Variants in SETD1A observed in about 807,000 individuals in gnomAD.
SETD1A encodes the protein histone-lysine N-methyltransferase SETD1A.
Under a neutral mutation model 149.9 loss-of-function variants are expected in SETD1A, and 29 were observed. The ratio of observed to expected loss-of-function variants is 0.19; its 90% confidence interval spans 0.14 to 0.26. The LOEUF (loss-of-function observed/expected upper bound fraction) is 0.26. SETD1A is among the 10% of genes least tolerant of loss of function. The probability of loss-of-function intolerance (pLI) is 1.00; values close to 1 mark genes in which losing one functional copy is unlikely to be tolerated. For synonymous variants in SETD1A, 1,141 were observed against 968.5 expected (o/e 1.18, Z -3.31); for missense variants, 2,109 against 2,353.1 (o/e 0.90, Z 2.15).
intron 8 of SETD1A, 50 bp from the exon 9 acceptor site, chr16:30,966,834 G>A (rs2056154149): frequency 1.3e-6 from 2 of 1,493,060 alleles, no homozygotes; most frequent in East Asian, 2.5e-5. Flanking sequence ...CAGGCAGGAG[G>A]GAATGCCTGG....
chr16:30,964,107 G>A lies in SETD1A; in HGVS notation c.653G>A (p.Arg218His), dbSNP rs368671933. The A allele has an allele frequency of 1.7e-5, 27 of 1,612,862 alleles. No homozygotes were observed. Among genetic ancestry groups the A allele is most frequent in the Non-Finnish European group, 1.9e-5 (23 of 1,179,894 alleles). ...GAATETAESR[R>H]RSSSDTAAYP... is the part of the protein sequence containing the mutation. ...CTGTCGCTCTAGGCCGAATCCCGCCGCCGCTCTTCCTCTGACACAGCTGCC... is the reference window on the plus strand; with the variant it reads ...CTGTCGCTCTAGGCCGAATCCCGCCACCGCTCTTCCTCTGACACAGCTGCC... Residue 218 changes from arginine (R) to histidine (H), a missense_variant, in exon 6 of 19, where the codon CGC (arginine) becomes CAC (histidine). Physicochemically the swap from Arg to His is conservative, Grantham distance 29. Coordinates refer to ENST00000262519, the MANE Select transcript of SETD1A (RefSeq NM_014712.3).
At chr16:30,968,400 C>T (rs2056177174) in intron 10 of SETD1A, among the ~76,000 whole-genome samples, 1 of 105,122 alleles carries the variant, frequency 9.5e-6, no homozygotes, top group Non-Finnish European at 1.8e-5. Context: ...GAGACTGTGT[C>T]TCAAAAAAAA....
At position 30,967,072 on chromosome 16, in the gene SETD1A, TGTC is replaced by T. The variant is rs1489429805; in HGVS notation, c.2682+15_2682+17del. 6.4e-7 allele frequency: 1 copy of T among 1,556,926 alleles called. No individual in the cohort carries two copies. The highest frequency in any genetic ancestry group is 2.0e-5 in the Admixed American group (1 of 49,904). On this transcript the variant is annotated intron_variant, in intron 9 of 18. Transcript: ENST00000262519. ...TGCCTTCATTCAAGGTACTCAGAAC[TGTC>T]GTTTTGTGGGGTAGGGTGGGGAGAG...
intron 10 of SETD1A, among the ~76,000 whole-genome samples, chr16:30,968,417 T>A (rs201129077): frequency 0.016 from 409 of 25,164 alleles, no homozygotes; most frequent in Non-Finnish European, 0.017. Flanking sequence ...AAAAAAAAAA[T>A]ACATATATAT....
intron 8 of SETD1A, 36 bp from the exon 9 acceptor site, chr16:30,966,848 C>A: frequency 2.0e-6 from 3 of 1,515,786 alleles, no homozygotes; most frequent in Non-Finnish European, 2.7e-6. Flanking sequence ...TGCCTGGGTT[C>A]TGGGCGCTGG....
chr16:30,963,626 T>G, intron 5 of SETD1A, 72 bp downstream of exon 5: 1 of 1,488,774 alleles, frequency 6.7e-7, no homozygotes, highest in Non-Finnish European at 9.0e-7. Flanking sequence ...GCAGGAGCAG[T>G]CTTCGGGAGG....
At chr16:30,966,628 A>G (rs964836921) in intron 8 of SETD1A, among the ~76,000 whole-genome samples, 3 of 152,338 alleles carry the variant, frequency 2.0e-5, no homozygotes, top group Non-Finnish European at 4.4e-5. Context: ...TGCAGTGGAC[A>G]AGGCCCTTAG....
chr16:30,969,165 C>T, intron 10 of SETD1A, 140 bp from the exon 11 acceptor site: 1 of 856,816 alleles, frequency 1.2e-6, no homozygotes, highest in Admixed American at 2.8e-5. Flanking sequence ...GTTTGAGTTC[C>T]TCTGGTGAGC....
intron 13 of SETD1A, among the ~76,000 whole-genome samples, chr16:30,973,571 C>T (rs1436960192): frequency 1.3e-5 from 2 of 152,146 alleles, no homozygotes; most frequent in Non-Finnish European, 2.9e-5. Context: ...ACGAGAATCG[C>T]TTGAACCCGG....
At position 30,971,484 on chromosome 16, in the gene SETD1A, C is replaced by T; in HGVS notation, c.3123C>T (p.Ser1041=). 6.2e-7 allele frequency: 1 copy of T among 1,614,022 alleles called. No individual in the cohort carries two copies. Among genetic ancestry groups the T allele is most frequent in the Non-Finnish European group, 8.5e-7 (1 of 1,179,990 alleles). The stretch of plus-strand genomic sequence containing the variant: ...CCGAGAGCAGCAGCTCTTCCAGCTC[C>T]TCATCCTCCTCCTCCTCCTCGTCCT... ...SDSESSSSSS[S]SSSSSSSSSS... Residue 1041 remains serine (S), a synonymous_variant, in exon 13 of 19, where the codon TCC becomes TCT. Transcript: ENST00000262519.
intron 10 of SETD1A, 120 bp from the exon 11 acceptor site, chr16:30,969,185 C>G: frequency 9.8e-7 from 1 of 1,024,152 alleles, no homozygotes; most frequent in Non-Finnish European, 1.4e-6. Context: ...CTTCCAAATT[C>G]TCATCTGTGA....
chr16:30,976,708 G>A (rs1422449606), intron 13 of SETD1A, among the ~76,000 whole-genome samples: 2 of 152,174 alleles, frequency 1.3e-5, no homozygotes, highest in African/African-American at 4.8e-5. Flanking sequence ...AAGGCCAGGT[G>A]TGTGGCTGCT....
intron 4 of SETD1A, among the ~76,000 whole-genome samples, chr16:30,962,837 C>T (rs750706963): frequency 2.8e-4 from 43 of 152,298 alleles, no homozygotes; most frequent in Non-Finnish European, 4.7e-4. Context: ...CCCAGCTACT[C>T]GAGAGGCTGA....
chr16:30,960,730 C>CTTTTTTTTTTTT (rs71374043), intron 3 of SETD1A, among the ~76,000 whole-genome samples: 97 of 80,550 alleles, frequency 1.2e-3, no homozygotes, highest in African/African-American at 1.9e-3. Context: ...TTCTTTCTTT[C>CTTTTTTTTTTTT]TTTTTTTTTT....
intron 13 of SETD1A, among the ~76,000 whole-genome samples, chr16:30,978,400 C>T (rs1828599500): frequency 6.6e-6 from 1 of 152,116 alleles, no homozygotes; most frequent in Non-Finnish European, 1.5e-5. Flanking sequence ...GAGCCTCATG[C>T]AGGCTTTCCC....
chr16:30,980,545 A>G lies in SETD1A; in HGVS notation c.4469A>G (p.Gln1490Arg), dbSNP rs1367806227. ...RRPQDGPREH[Q>R]TGSARSEGYY... is the part of the protein sequence containing the mutation. ...CCCCAGGATGGGCCCCGGGAGCACC[A>G]GACAGGCTCAGCCCGCAGCGAAGGC... is the stretch of plus-strand genomic sequence containing the variant. The change falls in exon 15 of 19, where the codon CAG becomes CGG. Residue 1490 changes from glutamine to arginine, a missense_variant. Coordinates refer to ENST00000262519, the MANE Select transcript of SETD1A (RefSeq NM_014712.3). The surrounding 1 kb of genome is among the most constrained non-coding windows in gnomAD (Gnocchi z 7.7). 6.2e-7 allele frequency: 1 copy of G among 1,614,156 alleles called. No homozygotes were observed. The highest frequency in any genetic ancestry group is 1.1e-5 in the South Asian group (1 of 91,088).
At position 30,979,665 on chromosome 16, in the gene SETD1A, C is replaced by G. The variant is rs761975254; in HGVS notation, c.3879C>G (p.Leu1293=). ...SDEAERPRPL[L]SHILLEHNYA... The stretch of plus-strand genomic sequence containing the variant: ...AGGCCGAGCGCCCTAGGCCCCTGCT[C>G]AGCCACATCCTCCTGGAGCACAACT... Residue 1293 remains leucine, a synonymous_variant, in exon 14 of 19, where the codon CTC becomes CTG. Coordinates refer to ENST00000262519, the MANE Select transcript of SETD1A (RefSeq NM_014712.3). 1.2e-6 allele frequency: 2 copies of G among 1,609,180 alleles called. No homozygotes were observed. The highest frequency in any genetic ancestry group is 1.1e-5 in the South Asian group (1 of 91,084).
intron 3 of SETD1A, among the ~76,000 whole-genome samples, chr16:30,959,913 CAT>C (rs911104595): frequency 6.6e-5 from 10 of 152,142 alleles, no homozygotes; most frequent in African/African-American, 2.2e-4. Context: ...GGAGGCCACA[CAT>C]GTTTCAGATT....
At chr16:30,958,658 G>A (rs564465410) in intron 1 of SETD1A, 59 bp from the exon 2 acceptor site, 12 of 1,460,602 alleles carry the variant, frequency 8.2e-6, no homozygotes, top group Non-Finnish European at 1.1e-5. Flanking sequence ...AATGAGGAAA[G>A]GCAGGGGAGT....
Sources: allele counts gnomAD v4.1 joint callset (sites outside exome capture counted in the v4.1 genomes callset), GRCh38; gene constraint gnomAD v4.1.1; non-coding constraint Gnocchi (gnomAD v3.1); transcripts MANE v1.5; gene names NCBI Gene and HGNC (gene_info 2026-07-23, HGNC 2026-07-21).